The following GLT8D2 variants were observed in gnomAD, a reference collection of about 807,000 sequenced individuals.
The protein encoded by GLT8D2 is glycosyltransferase 8 domain containing 2.
A neutral mutation model predicts 44.5 loss-of-function variants in GLT8D2; 45 were observed. The ratio of observed to expected loss-of-function variants is 1.01; its 90% CI spans 0.80 to 1.30. The LOEUF (loss-of-function observed/expected upper bound fraction) is 1.30. GLT8D2 is among the 50% of genes most tolerant of loss of function. The pLI is 0.00. For synonymous variants in GLT8D2, 156 were observed against 157.2 expected (o/e 0.99, Z 0.06); for missense variants, 400 against 430.4 (o/e 0.93, Z 0.62).
intron 3 of GLT8D2, among the ~76,000 whole-genome samples, chr12:104,016,826 A>AAGAAAGAAAG (rs1876851198): frequency 1.4e-5 from 1 of 72,498 alleles, no homozygotes; most frequent in South Asian, 5.7e-4. Flanking sequence ...AAAGAGAAAG[A>AAGAAAGAAAG]AAAGAAAGAA....
chr12:104,005,035 T>C (rs2136306507), intron 4 of GLT8D2, among the ~76,000 whole-genome samples: 1 of 152,122 alleles, frequency 6.6e-6, no homozygotes, highest in South Asian at 2.1e-4. Flanking sequence ...AAAACAGAGA[T>C]ATAGACCAAT....
chr12:103,990,248 CAA>C (rs1285209564), intron 10 of GLT8D2, among the ~76,000 whole-genome samples: 1 of 151,548 alleles, frequency 6.6e-6, no homozygotes, highest in Non-Finnish European at 1.5e-5. Context: ...CCCTCCCACC[CAA>C]GAGTTTATAG....
intron 3 of GLT8D2, among the ~76,000 whole-genome samples, chr12:104,016,774 A>AGAAAGAAAGAAAGAAGGAAAG (rs1566199645): frequency 5.1e-5 from 3 of 58,394 alleles, no homozygotes; most frequent in South Asian, 5.7e-4. Context: ...AAAGAAAGAA[A>AGAAAGAAAGAAAGAAGGAAAG]GAAGGAAGGA....
chr12:104,045,946 A>T (rs1156435963), intron 1 of GLT8D2, among the ~76,000 whole-genome samples: 1 of 146,326 alleles, frequency 6.8e-6, no homozygotes, highest in African/African-American at 2.5e-5. Flanking sequence ...AAAAAGAAAG[A>T]AAGAAAGAAA....
At chr12:104,031,376 C>T (rs915002921) in intron 1 of GLT8D2, 1 of 1,607,752 alleles carries the variant, frequency 6.2e-7, no homozygotes, top group African/African-American at 1.4e-5. Flanking sequence ...TCTGGAGGGT[C>T]TCTCTGAAGA....
chr12:103,997,737 C>A (rs972086374), intron 6 of GLT8D2, among the ~76,000 whole-genome samples: 27 of 152,118 alleles, frequency 1.8e-4, no homozygotes, highest in Non-Finnish European at 2.9e-4. Context: ...CCAGCGCTGA[C>A]GGATCGGCCG....
At chr12:104,020,226 AT>A (rs1238959345) in intron 2 of GLT8D2, among the ~76,000 whole-genome samples, 1 of 151,850 alleles carries the variant, frequency 6.6e-6, no homozygotes, top group Non-Finnish European at 1.5e-5. Flanking sequence ...CCAGCCCAGA[AT>A]TTTTTTTAAC....
intron 1 of GLT8D2, among the ~76,000 whole-genome samples, chr12:104,044,826 G>A (rs375648370): frequency 2.6e-5 from 4 of 151,424 alleles, no homozygotes; most frequent in Admixed American, 6.6e-5. Flanking sequence ...TCTTTTTTTC[G>A]CTTGAAACAT....
At chr12:104,010,643 C>T (rs1237310193) in intron 4 of GLT8D2, among the ~76,000 whole-genome samples, 4 of 152,178 alleles carry the variant, frequency 2.6e-5, no homozygotes. Flanking sequence ...AGTAGATTTT[C>T]AATACGATCT....
intron 1 of GLT8D2, among the ~76,000 whole-genome samples, chr12:104,028,619 T>C (rs1009545342): frequency 6.6e-6 from 1 of 152,192 alleles, no homozygotes; most frequent in African/African-American, 2.4e-5. Context: ...TCCTCACTTA[T>C]AAAATGTCTG....
rs757453205 is a variant in GLT8D2, at chr12:103,989,414, A to G, written c.1044T>C (p.His348=). ...TTTTAAGGGTAGAGTTATATCAGCTATGGTGATTGAGTTTAAATATCCCTG... is the reference window on the plus strand; with the variant it reads ...TTTTAAGGGTAGAGTTATATCAGCTGTGGTGATTGAGTTTAAATATCCCTG... The part of the protein sequence containing the change: ...DPAGIFKLNH[H]S Residue 348 remains histidine, a synonymous_variant, in exon 11 of 11, where the codon CAT becomes CAC. Coordinates refer to ENST00000360814, the MANE Select transcript of GLT8D2 (RefSeq NM_001384711.1). 20 of 1,608,454 alleles carry G rather than the reference A, an allele frequency of 1.2e-5. No individual in the cohort carries two copies. Among genetic ancestry groups the G allele is most frequent in the Middle Eastern group, 1.7e-4 (1 of 6,052 alleles).
At chr12:104,002,345 T>A (rs1292378596) in intron 5 of GLT8D2, among the ~76,000 whole-genome samples, 1 of 152,372 alleles carries the variant, frequency 6.6e-6, no homozygotes, top group African/African-American at 2.4e-5. Context: ...TTTTTAACCA[T>A]GTTTTTAAAA....
chr12:104,024,883 C>T (rs968003947), intron 1 of GLT8D2, among the ~76,000 whole-genome samples: 6 of 151,934 alleles, frequency 3.9e-5, no homozygotes, highest in African/African-American at 1.2e-4. Flanking sequence ...CCAGCCTGGC[C>T]AACATGGTGA....
chr12:104,040,265 T>C (rs1030520606), intron 1 of GLT8D2, among the ~76,000 whole-genome samples: 1 of 152,196 alleles, frequency 6.6e-6, no homozygotes, highest in African/African-American at 2.4e-5. Context: ...CTGCACGTTG[T>C]GCACATGTAC....
intron 4 of GLT8D2, among the ~76,000 whole-genome samples, chr12:104,008,614 A>G (rs1875401054): frequency 6.6e-6 from 1 of 152,268 alleles, no homozygotes; most frequent in Non-Finnish European, 1.5e-5. Flanking sequence ...TGCATAAGTA[A>G]CAAGGAGCCA....
At chr12:104,014,818 C>T (rs1179934331) in intron 4 of GLT8D2, among the ~76,000 whole-genome samples, 195 bp downstream of exon 4, 1 of 152,206 alleles carries the variant, frequency 6.6e-6, no homozygotes, top group Non-Finnish European at 1.5e-5. Flanking sequence ...CTCACACATG[C>T]TAAAGTTTGA....
intron 5 of GLT8D2, 57 bp downstream of exon 5, chr12:104,003,078 G>A: frequency 4.4e-6 from 6 of 1,373,050 alleles, no homozygotes; most frequent in Non-Finnish European, 5.1e-6. Flanking sequence ...GAGGGAGGGA[G>A]GGAAGGAGAG....
At chr12:104,012,818 C>T (rs1479410138) in intron 4 of GLT8D2, 1 of 697,902 alleles carries the variant, frequency 1.4e-6, no homozygotes, top group African/African-American at 1.8e-5. Context: ...CCCAGTAAGA[C>T]TGGTATCCTA....
intron 10 of GLT8D2, among the ~76,000 whole-genome samples, chr12:103,992,094 T>C (rs1358614825): frequency 6.6e-6 from 1 of 152,220 alleles, no homozygotes; most frequent in African/African-American, 2.4e-5. Context: ...CCAAACCCTT[T>C]CTAAACTTCC....
Sources: allele counts gnomAD v4.1 joint callset (sites outside exome capture counted in the v4.1 genomes callset), GRCh38; gene constraint gnomAD v4.1.1; transcripts MANE v1.5; gene names NCBI Gene and HGNC (gene_info 2026-07-23, HGNC 2026-07-21).